Variants in DNAI4 observed in about 807,000 individuals in gnomAD.
The protein encoded by DNAI4 is dynein axonemal intermediate chain 4.
DNAI4 carries 85 observed loss-of-function variants against 105.8 expected under a neutral mutation model. The observed-to-expected ratio is 0.80, with a 90% CI of 0.67 to 0.96. DNAI4 has a LOEUF of 0.96. Ranked by LOEUF, DNAI4 falls within the 40% of genes least tolerant of loss-of-function variation. The pLI, the probability that DNAI4 is intolerant of heterozygous loss-of-function variation, is 0.00. For missense variants in DNAI4, 1,014 were observed against 1,005.6 expected, an observed-to-expected ratio of 1.01 and a Z score of -0.11; for synonymous variants, 352 against 331.5, an observed-to-expected ratio of 1.06 and a Z score of -0.67.
intron 1 of DNAI4, among the ~76,000 whole-genome samples, chr1:66,914,108 A>G (rs1649884427): frequency 6.6e-6 from 1 of 151,988 alleles, no homozygotes; most frequent in Non-Finnish European, 1.5e-5. Context: ...CCTCCTTTAG[A>G]AAAAAAATAA....
intron 16 of DNAI4, among the ~76,000 whole-genome samples, chr1:66,821,339 T>G (rs1645622306): frequency 6.6e-6 from 1 of 152,216 alleles, no homozygotes; most frequent in East Asian, 1.9e-4. Context: ...CCTCAAGTGA[T>G]GCACCTGCCT....
In DNAI4 at chr1:66,833,682, G is replaced by A. The variant is rs1645917900; in HGVS notation, c.1916C>T (p.Thr639Ile). Residue 639 changes from threonine (T) to isoleucine (I), a missense_variant, in exon 13 of 17, where the codon ACA becomes ATA. Transcript: ENST00000371026. The part of the protein sequence containing the change: ...CYDLMRLKRT[T>I]AASNKKGGEK... ...CCCTCCTTTTTTGTTACTGGCAGCT[G>A]TAGTTCTCTTTAATCGCATCAAATC... 1.2e-6 allele frequency: 2 copies of A among 1,612,976 alleles called. No individual in the cohort carries two copies. Among genetic ancestry groups the A allele is most frequent in the Non-Finnish European group, 8.5e-7 (1 of 1,179,500 alleles).
intron 7 of DNAI4, among the ~76,000 whole-genome samples, chr1:66,861,462 T>C (rs1204491111): frequency 3.9e-5 from 6 of 152,178 alleles, no homozygotes; most frequent in Admixed American, 1.3e-4. Flanking sequence ...TTCTCATAAC[T>C]AGACTTAGTA....
At chr1:66,851,191 A>T (rs1016330618) in intron 7 of DNAI4, among the ~76,000 whole-genome samples, 7 of 151,928 alleles carry the variant, frequency 4.6e-5, no homozygotes, top group African/African-American at 1.7e-4. Flanking sequence ...AGAAAGCAGG[A>T]GGGGCTATAT....
chr1:66,900,358 C>T (rs909677458), intron 2 of DNAI4, among the ~76,000 whole-genome samples: 2 of 152,236 alleles, frequency 1.3e-5, no homozygotes, highest in Middle Eastern at 3.4e-3. Context: ...GCCTTGGCCT[C>T]CCAAAGTGCT....
chr1:66,845,191 AAAAAAAAAAAAAAAAAAAGAAAAATT>A lies in DNAI4; in HGVS notation c.1291+2267_1291+2292del, dbSNP rs1181201143. On this transcript the variant is annotated intron_variant, in intron 8 of 16. Coordinates refer to ENST00000371026, the MANE Select transcript of DNAI4 (RefSeq NM_024763.5). ...GGGTGACAGAGCGAAACTCCATCTC[AAAAAAAAAAAAAAAAAAAGAAAAATT>A]AAAAAAAAAAAAAAAAAGGCAACTC... 1.0e-3 allele frequency among the ~76,000 whole-genome samples: 5 copies of A among 4,856 alleles called. No individual in the cohort carries two copies. In the East Asian group the frequency reaches 0.021, roughly 20 times the overall value. 3.2% of individuals were successfully genotyped at this position (4,856 alleles called of 152,430 possible).
At chr1:66,837,192 C>T (rs1435084405) in intron 10 of DNAI4, among the ~76,000 whole-genome samples, 4 of 151,862 alleles carry the variant, frequency 2.6e-5, no homozygotes, top group East Asian at 1.9e-4. Context: ...TGTGAAACCC[C>T]GTCTCTATTA....
chr1:66,897,743 T>A (rs1648451012), intron 2 of DNAI4, among the ~76,000 whole-genome samples: 1 of 152,158 alleles, frequency 6.6e-6, no homozygotes, highest in African/African-American at 2.4e-5. Context: ...CTTGGCAGCA[T>A]CCACATGGCA....
intron 8 of DNAI4, among the ~76,000 whole-genome samples, chr1:66,843,611 T>C (rs1359430770): frequency 6.6e-6 from 1 of 152,194 alleles, no homozygotes; most frequent in African/African-American, 2.4e-5. Context: ...CATTGTAAGA[T>C]CCAAGGTCAT....
At chr1:66,872,478 C>T (rs894976579) in intron 5 of DNAI4, among the ~76,000 whole-genome samples, 9 of 152,012 alleles carry the variant, frequency 5.9e-5, no homozygotes, top group Non-Finnish European at 1.2e-4. Context: ...ATCCAAACCA[C>T]CTCATCCTCC....
At chr1:66,856,413 T>C (rs1387072926) in intron 7 of DNAI4, among the ~76,000 whole-genome samples, 4 of 151,472 alleles carry the variant, frequency 2.6e-5, no homozygotes, top group African/African-American at 7.3e-5. Flanking sequence ...GCAGAGCTTG[T>C]AGTGAGCCGA....
chr1:66,858,022 T>C (rs751750416), intron 7 of DNAI4, among the ~76,000 whole-genome samples: 2 of 152,156 alleles, frequency 1.3e-5, no homozygotes, highest in Non-Finnish European at 2.9e-5. Context: ...CAATAATTAA[T>C]AACCTTCCAA....
At chr1:66,869,746 A>C (rs1482853315) in intron 6 of DNAI4, among the ~76,000 whole-genome samples, 2 of 152,204 alleles carry the variant, frequency 1.3e-5, no homozygotes, top group Admixed American at 6.5e-5. Flanking sequence ...GAGCTTGATA[A>C]CCACAGGCCT....
intron 2 of DNAI4, chr1:66,904,847 AG>A: frequency 4.3e-6 from 1 of 231,940 alleles, no homozygotes; most frequent in Admixed American, 5.6e-5. Flanking sequence ...TCTTCTAGTA[AG>A]GCAAAATAAC....
At chr1:66,818,113 T>C (rs758081269) in intron 16 of DNAI4, among the ~76,000 whole-genome samples, 25 of 151,978 alleles carry the variant, frequency 1.6e-4, no homozygotes, top group Non-Finnish European at 3.2e-4. Context: ...ATTTTAAATA[T>C]TCATTATATA....
At chr1:66,919,183 C>G (rs1650283524) in intron 1 of DNAI4, 2 of 404,138 alleles carry the variant, frequency 4.9e-6, no homozygotes, top group South Asian at 3.7e-5. Context: ...CTTCCTGGGG[C>G]TGTATCACGG....
At chr1:66,870,170 G>A (rs768753865) in intron 6 of DNAI4, among the ~76,000 whole-genome samples, 30 of 152,256 alleles carry the variant, frequency 2.0e-4, no homozygotes, top group Admixed American at 7.8e-4. Flanking sequence ...ATGGCCAGGC[G>A]CGGTGGCTCA....
intron 2 of DNAI4, among the ~76,000 whole-genome samples, chr1:66,902,101 G>A (rs891062051): frequency 4.6e-5 from 7 of 152,168 alleles, no homozygotes; most frequent in African/African-American, 1.7e-4. Flanking sequence ...TCAAAGTGCT[G>A]AGATTACAGG....
chr1:66,880,892 G>C (rs1647054981), intron 4 of DNAI4, among the ~76,000 whole-genome samples: 1 of 152,208 alleles, frequency 6.6e-6, no homozygotes, highest in African/African-American at 2.4e-5. Context: ...TGGTTTTGTG[G>C]GCTGGGCCCA....
Sources: allele counts gnomAD v4.1 joint callset (sites outside exome capture counted in the v4.1 genomes callset), GRCh38; gene constraint gnomAD v4.1.1; transcripts MANE v1.5; gene names NCBI Gene and HGNC (gene_info 2026-07-23, HGNC 2026-07-21).